Variants in OR14A2 observed in about 807,000 individuals in gnomAD.
OR14A2 encodes olfactory receptor family 14 subfamily A member 2.
For missense variants in OR14A2, 237 were observed against 152.9 expected (o/e 1.55, Z -2.90); for synonymous variants, 114 against 58.6 (o/e 1.95, Z -4.32).
chr1:247,738,510 G>A, the OR14A2 span: 13 of 634,620 alleles, frequency 2.0e-5, no homozygotes, highest in Admixed American at 3.6e-4. Flanking sequence ...AGGCCTTGAT[G>A]CTACACATAC....
At chr1:247,724,143 C>G (rs1406315526), upstream of OR14A2, 1 of 566,784 alleles carries the variant, frequency 1.8e-6, no homozygotes, top group Non-Finnish European at 3.1e-6. Flanking sequence ...TAGCAAGAGT[C>G]ATATTGATAT....
chr1:247,728,981 A>G (rs987352596), upstream of OR14A2, among the ~76,000 whole-genome samples: 4 of 152,112 alleles, frequency 2.6e-5, no homozygotes, highest in African/African-American at 9.6e-5. Flanking sequence ...AAAGACTCAA[A>G]GAGCTCTGCA....
upstream of OR14A2, among the ~76,000 whole-genome samples, chr1:247,728,930 G>A (rs74154290): frequency 0.063 from 9,520 of 151,956 alleles, 318 homozygotes; most frequent in African/African-American, 0.083. Flanking sequence ...CATAAACTCC[G>A]TGTCAACATA....
the OR14A2 span, chr1:247,739,008 G>A: frequency 7.6e-5 from 59 of 780,658 alleles, 1 homozygote; most frequent in African/African-American, 9.8e-4. Flanking sequence ...ACACTGTGAG[G>A]CTGTCATGAG....
the OR14A2 span, among the ~76,000 whole-genome samples, chr1:247,732,037 A>G: frequency 6.6e-6 from 1 of 152,048 alleles, no homozygotes; most frequent in African/African-American, 2.4e-5. Context: ...TTGAACTACA[A>G]TTTTTATTTC....
upstream of OR14A2, among the ~76,000 whole-genome samples, chr1:247,727,635 C>G (rs1463913172): frequency 6.8e-6 from 1 of 148,074 alleles, no homozygotes; most frequent in Non-Finnish European, 1.5e-5. Context: ...AATCCAGGAG[C>G]TGGTTTTTTG....
the OR14A2 span, among the ~76,000 whole-genome samples, chr1:247,747,279 A>G: frequency 6.6e-6 from 1 of 152,110 alleles, no homozygotes; most frequent in Non-Finnish European, 1.5e-5. Flanking sequence ...GCCTATGGGA[A>G]GTCTGCTAGT....
In OR14A2 at chr1:247,723,383, A is replaced by G. The variant is rs1176219605; in HGVS notation, c.661T>C (p.Ser221Pro). 7.0e-6 allele frequency: 5 copies of G among 717,582 alleles called. No homozygotes were observed. The East Asian group carries it at 1.3e-4, about 19-fold the overall frequency. 44.5% of individuals were successfully genotyped at this position (717,582 alleles called of 1,614,324 possible). A position where few individuals can be genotyped will look rare whatever the true frequency, so the allele number is the denominator to read the frequency against. Residue 221 changes from serine (S) to proline (P), a missense_variant, in exon 1 of 1, where the codon TCC becomes CCC. Physicochemically the swap from Ser to Pro is moderately conservative, Grantham distance 74. Coordinates refer to ENST00000366485, the Ensembl canonical transcript of OR14A2. ...GTGGTAGGGATCTTCAGTACAGTGG[A>G]GAAGATATAAATGTAAGAGATCACA...
At chr1:247,731,014 T>C in the OR14A2 span, among the ~76,000 whole-genome samples, 3 of 152,186 alleles carry the variant, frequency 2.0e-5, no homozygotes, top group African/African-American at 7.2e-5. Context: ...TATTGACACA[T>C]AAAATTAACT....
the OR14A2 span, among the ~76,000 whole-genome samples, chr1:247,732,934 G>C: frequency 6.6e-6 from 1 of 152,072 alleles, no homozygotes; most frequent in Non-Finnish European, 1.5e-5. Flanking sequence ...TTTGATCTGG[G>C]AAGGCTCTGG....
At chr1:247,724,261 A>C (rs896837331), upstream of OR14A2, among the ~76,000 whole-genome samples, 1 of 152,008 alleles carries the variant, frequency 6.6e-6, no homozygotes, top group African/African-American at 2.4e-5. Flanking sequence ...GTAATGTGTA[A>C]ATTCCATTAG....
the OR14A2 span, among the ~76,000 whole-genome samples, chr1:247,729,715 C>T: frequency 6.6e-6 from 1 of 151,844 alleles, no homozygotes; most frequent in Non-Finnish European, 1.5e-5. Flanking sequence ...TATGCTTCTC[C>T]AAAGTAAAAA....
chr1:247,741,802 G>A, the OR14A2 span, among the ~76,000 whole-genome samples: 2 of 152,152 alleles, frequency 1.3e-5, no homozygotes, highest in Admixed American at 1.3e-4. Context: ...GTTGTGCTAT[G>A]CAACTCTTTA....
chr1:247,729,846 G>T, the OR14A2 span, among the ~76,000 whole-genome samples: 32 of 151,986 alleles, frequency 2.1e-4, no homozygotes, highest in Non-Finnish European at 4.1e-4. Flanking sequence ...TTGTTTGCAG[G>T]TTTCAATTTT....
At chr1:247,738,688 A>G in the OR14A2 span, 1 of 780,856 alleles carries the variant, frequency 1.3e-6, no homozygotes, top group Non-Finnish European at 2.4e-6. Context: ...CTGAGGCTGC[A>G]TGCTTTGCTC....
the OR14A2 span, among the ~76,000 whole-genome samples, chr1:247,744,008 A>C: frequency 6.6e-6 from 1 of 152,196 alleles, no homozygotes; most frequent in South Asian, 2.1e-4. The surrounding 1 kb of genome is among the most constrained non-coding windows in gnomAD (Gnocchi z 4.3). Context: ...AGTAGGCATC[A>C]AATTTTATTT....
At chr1:247,728,519 AG>A (rs1266967024), upstream of OR14A2, among the ~76,000 whole-genome samples, 1 of 152,126 alleles carries the variant, frequency 6.6e-6, no homozygotes, top group Non-Finnish European at 1.5e-5. Context: ...GGCACAAGAC[AG>A]GGATGCCCTC....
At chr1:247,741,292 C>T in the OR14A2 span, among the ~76,000 whole-genome samples, 1 of 152,150 alleles carries the variant, frequency 6.6e-6, no homozygotes, top group Non-Finnish European at 1.5e-5. Context: ...ATGGAAAGTT[C>T]ATGCATAAAC....
At chr1:247,738,977 T>C in the OR14A2 span, 1 of 780,778 alleles carries the variant, frequency 1.3e-6, no homozygotes, top group Non-Finnish European at 2.4e-6. Flanking sequence ...ATGACCGCTA[T>C]GCTGCCATCT....
Sources: allele counts gnomAD v4.1 joint callset (sites outside exome capture counted in the v4.1 genomes callset), GRCh38; gene constraint gnomAD v4.1.1; non-coding constraint Gnocchi (gnomAD v3.1); transcripts MANE v1.5; gene names NCBI Gene and HGNC (gene_info 2026-07-23, HGNC 2026-07-21).